Variants in LATS1 observed in about 807,000 individuals in gnomAD.
The protein encoded by LATS1 is large tumor suppressor kinase 1.
In LATS1, 25 loss-of-function variants were observed where a neutral mutation model predicts 106.6. The observed-to-expected ratio is 0.23, with a 90% CI of 0.17 to 0.33. The LOEUF is 0.33. Among genes scored for constraint, LATS1 ranks in the 10% least tolerant of loss-of-function variants. The pLI is 1.00. For missense variants in LATS1, 1,040 were observed against 1,382.6 expected (o/e 0.75, Z 3.93); for synonymous variants, 465 against 455.6 (o/e 1.02, Z -0.26).
chr6:149,711,405 G>T (rs1203352859), intron 1 of LATS1, among the ~76,000 whole-genome samples: 2 of 152,058 alleles, frequency 1.3e-5, no homozygotes, highest in Non-Finnish European at 2.9e-5. Flanking sequence ...TTAGCTGGGC[G>T]TGGTGGCATG....
intron 3 of LATS1, among the ~76,000 whole-genome samples, chr6:149,692,705 G>C (rs139355020): frequency 0.018 from 2,587 of 146,916 alleles, 36 homozygotes; most frequent in Non-Finnish European, 0.028. Context: ...AGGGAGTTTC[G>C]ATCTTGTTGC....
chr6:149,716,588 A>C (rs1784406979), intron 1 of LATS1, among the ~76,000 whole-genome samples: 1 of 152,042 alleles, frequency 6.6e-6, no homozygotes. Flanking sequence ...AAAACAAAAC[A>C]AAAATAAAAA....
intron 7 of LATS1, among the ~76,000 whole-genome samples, chr6:149,663,712 G>GA (rs905628450): frequency 1.4e-4 from 20 of 146,138 alleles, no homozygotes; most frequent in African/African-American, 2.8e-4. Context: ...ACCCTTTTTG[G>GA]AAAAAAAAAA....
chr6:149,684,628 C>T, intron 3 of LATS1, 36 bp from the exon 4 acceptor site: 1 of 1,454,916 alleles, frequency 6.9e-7, no homozygotes, highest in Non-Finnish European at 9.2e-7. Flanking sequence ...AAAAAAGAAT[C>T]ATGTTTTTAA....
chr6:149,695,365 T>A (rs1430962764), intron 2 of LATS1, 144 bp from the exon 3 acceptor site: 4 of 576,344 alleles, frequency 6.9e-6, no homozygotes, highest in Non-Finnish European at 1.2e-5. Context: ...GTTCTGTTTG[T>A]AGCTACTAAA....
Position 149,695,322 on chromosome 6 carries a change from A to G in LATS1, c.349-101T>C, listed in dbSNP as rs1782996134. On this transcript the variant is annotated intron_variant, in intron 2 of 7. Transcript: ENST00000543571. ...AGTTCCACTAGAGAAATCCATAATT[A>G]TGAAGAACACAGCCCCAAACCATGA... 9 of 709,368 alleles carry G rather than the reference A, an allele frequency of 1.3e-5. No homozygotes were observed. In the South Asian group the frequency reaches 1.9e-4, roughly 15 times the overall value. The allele number at this position is 709,368 out of a possible 1,614,324, so 43.9% of individuals were successfully genotyped here.
intron 7 of LATS1, among the ~76,000 whole-genome samples, chr6:149,669,622 G>A (rs996475094): frequency 1.3e-5 from 2 of 151,784 alleles, no homozygotes; most frequent in African/African-American, 2.4e-5. Flanking sequence ...TTAGCCAAGC[G>A]TGATGGCATG....
At position 149,702,111 on chromosome 6, in the gene LATS1, T is replaced by C. The variant is rs762440348; in HGVS notation, c.16A>G (p.Lys6Glu). The stretch of plus-strand genomic sequence containing the variant: ...CTCATTTGTCTATATCCTTCTGGCT[T>C]TTCACTCCTCTTCATGAAAACATCT... MKRSE[K>E]PEGYRQMRPK... is the part of the protein sequence containing the mutation. The change falls in exon 2 of 8, where the codon AAG becomes GAG. Residue 6 changes from lysine to glutamate, a missense_variant. Physicochemically the swap from Lys to Glu is moderately conservative, Grantham distance 56 (BLOSUM62 1). Coordinates refer to ENST00000543571, the MANE Select transcript of LATS1 (RefSeq NM_004690.4). The C allele has an allele frequency of 5.6e-6, 9 of 1,606,810 alleles. No individual in the cohort carries two copies. The highest frequency in any genetic ancestry group is 7.7e-6 in the Non-Finnish European group (9 of 1,176,342).
chr6:149,671,440 T>G (rs962609646), intron 7 of LATS1, among the ~76,000 whole-genome samples: 1 of 151,974 alleles, frequency 6.6e-6, no homozygotes, highest in Non-Finnish European at 1.5e-5. Context: ...GGCCTGATGT[T>G]CAGTTTTTTT....
At chr6:149,698,537 C>G (rs1351015073) in intron 2 of LATS1, among the ~76,000 whole-genome samples, 2 of 151,184 alleles carry the variant, frequency 1.3e-5, no homozygotes, top group Non-Finnish European at 1.5e-5. Context: ...TGAACCATCA[C>G]ACCCAGCCAG....
In LATS1 at chr6:149,717,987, C is replaced by T. The variant is rs544880653; in HGVS notation, c.-279G>A. On this transcript the variant is annotated 5_prime_UTR_variant, in exon 1 of 8. Coordinates refer to ENST00000543571, the MANE Select transcript of LATS1 (RefSeq NM_004690.4). The stretch of plus-strand genomic sequence containing the variant: ...GACGAACGGGGGGGCTGCCGCGGGC[C>T]AGCGCGGCCCGTCCCAGGGGTCGTG... 3.0e-5 allele frequency: 11 copies of T among 365,084 alleles called. No individual in the cohort carries two copies. Among genetic ancestry groups the T allele is most frequent in the East Asian group, 1.5e-4 (1 of 6,554 alleles). 22.6% of individuals were successfully genotyped at this position (365,084 alleles called of 1,614,324 possible). A position where few individuals can be genotyped will look rare whatever the true frequency, so the allele number is the denominator to read the frequency against.
chr6:149,690,059 T>C (rs1175053046), intron 3 of LATS1, among the ~76,000 whole-genome samples: 1 of 151,834 alleles, frequency 6.6e-6, no homozygotes, highest in East Asian at 1.9e-4. Flanking sequence ...CAAACTGACA[T>C]AAGATATATT....
rs750361655 is a variant in LATS1 at position 149,679,896 on chromosome 6, C to T, written c.2572G>A (p.Asp858Asn). ...GLCTGFRWTHDSKYYQSGDHP... is the reference protein window; with the variant it reads ...GLCTGFRWTHNSKYYQSGDHP... ...TTACCACTCTGATAGTACTTAGAAT[C>T]GTGTGTCCATCTGAAGCCAGTGCAG... is the stretch of plus-strand genomic sequence containing the variant. Residue 858 changes from aspartate to asparagine, a missense_variant, in exon 5 of 8, where the codon GAT (aspartate) becomes AAT (asparagine). Asp to Asn is a conservative substitution (Grantham distance 23). Coordinates refer to ENST00000543571, the MANE Select transcript of LATS1 (RefSeq NM_004690.4). 29 of 1,602,616 alleles carry T rather than the reference C, an allele frequency of 1.8e-5. No individual in the cohort carries two copies. Among genetic ancestry groups the T allele is most frequent in the Admixed American group, 6.9e-5 (4 of 57,620 alleles).
rs141155488 is a variant in LATS1, at chr6:149,661,745, T to A, written c.3377A>T (p.Asp1126Val). ...QNTGSEIKNR[D>V]LVYV ...ACTAGTGTGTTAAACATATACTAGA[T>A]CGCGATTTTTAATCTCTGAGCCTGT... Residue 1126 changes from aspartate to valine, a missense_variant, in exon 8 of 8, where the codon GAT (aspartate) becomes GTT (valine). By Grantham distance (152) the Asp-to-Val change is radical. Coordinates refer to ENST00000543571, the MANE Select transcript of LATS1 (RefSeq NM_004690.4). The A allele has an allele frequency of 2.3e-4, 357 of 1,564,858 alleles. 1 individual carries two copies. The African/African-American group carries it at 4.5e-3, about 20-fold the overall frequency.
At chr6:149,705,819 T>C (rs924769692) in intron 1 of LATS1, among the ~76,000 whole-genome samples, 2 of 151,978 alleles carry the variant, frequency 1.3e-5, no homozygotes, top group South Asian at 2.1e-4. Context: ...TAGGAAAAAG[T>C]AGAAGTCCCT....
chr6:149,683,737 A>T lies in LATS1; in HGVS notation c.1352T>A (p.Ile451Asn). ...TGGTATGTTAGGTTGCCATGTAGGGATTTCATGCCCACTGCTCGGGGATGA... is the reference window on the plus strand; with the variant it reads ...TGGTATGTTAGGTTGCCATGTAGGGTTTTCATGCCCACTGCTCGGGGATGA... ...AQSSPSSGHE[I>N]PTWQPNIPVR... Residue 451 changes from isoleucine (I) to asparagine (N), a missense_variant, in exon 4 of 8, where the codon ATC becomes AAC. Ile to Asn is a moderately radical substitution (Grantham distance 149). Transcript: ENST00000543571. The T allele has an allele frequency of 6.2e-7, 1 of 1,614,040 alleles. No homozygotes were observed. Among genetic ancestry groups the T allele is most frequent in the Non-Finnish European group, 8.5e-7 (1 of 1,180,032 alleles).
rs774470556 is a variant in LATS1, at chr6:149,662,148, G to A, written c.2974C>T (p.Pro992Ser). ...SDLIIKLCRG[P>S]EDRLGKNGAD... ...CCATTCTTGCCTAAGCGATCTTCGG[G>A]TCCTCGGCAAAGTTTAATAATAAGA... Residue 992 changes from proline (P) to serine (S), a missense_variant, in exon 8 of 8, where the codon CCC becomes TCC. Coordinates refer to ENST00000543571, the MANE Select transcript of LATS1 (RefSeq NM_004690.4). The A allele has an allele frequency of 1.2e-6, 2 of 1,614,022 alleles. No homozygotes were observed. Among genetic ancestry groups the A allele is most frequent in the Non-Finnish European group, 8.5e-7 (1 of 1,180,018 alleles).
intron 2 of LATS1, among the ~76,000 whole-genome samples, chr6:149,699,204 CAATAT>C (rs1480189386): frequency 3.3e-5 from 5 of 152,066 alleles, no homozygotes; most frequent in African/African-American, 1.2e-4. Context: ...ATAAACTCTA[CAATAT>C]AATAGGATGC....
At chr6:149,686,926 T>G (rs550891050) in intron 3 of LATS1, among the ~76,000 whole-genome samples, 1 of 152,184 alleles carries the variant, frequency 6.6e-6, no homozygotes, top group Non-Finnish European at 1.5e-5. Flanking sequence ...ATTCTCATGA[T>G]TGTATTTCAA....
Sources: gnomAD v4.1 joint callset for allele counts (sites outside exome capture counted in the v4.1 genomes callset) on GRCh38, gnomAD v4.1.1 for gene constraint, MANE v1.5 for transcripts, NCBI Gene and HGNC (gene_info 2026-07-23, HGNC 2026-07-21) for gene names.